The following VNN2 variants were observed in gnomAD, a reference collection of about 807,000 sequenced individuals.
The protein encoded by VNN2 is pantetheine hydrolase VNN2.
Under a neutral mutation model 43.0 loss-of-function variants are expected in VNN2, and 43 were observed. That is an observed-to-expected ratio of 1.00 (90% CI 0.78 to 1.29). The LOEUF (loss-of-function observed/expected upper bound fraction) is 1.29, where lower values mean the gene tolerates loss of function less well. Ranked by LOEUF, VNN2 falls within the 50% of genes most tolerant of loss-of-function variation. VNN2 has a pLI of 0.00. For missense variants in VNN2, 652 were observed against 619.7 expected (o/e 1.05, Z -0.55); for synonymous variants, 230 against 224.3 (o/e 1.03, Z -0.23).
chr6:132,749,596 G>T, intron 6 of VNN2, 99 bp downstream of exon 6: 1 of 1,220,830 alleles, frequency 8.2e-7, no homozygotes, highest in Non-Finnish European at 1.1e-6. Context: ...GAGGAAATTT[G>T]TTACACAGCA....
chr6:132,754,208 T>C (rs535716151), intron 3 of VNN2, among the ~76,000 whole-genome samples: 1 of 152,234 alleles, frequency 6.6e-6, no homozygotes, highest in African/African-American at 2.4e-5. Flanking sequence ...CATTGAAAGA[T>C]AATACAAATA....
At chr6:132,749,259 A>G (rs9493422) in intron 6 of VNN2, among the ~76,000 whole-genome samples, 13,448 of 152,184 alleles carry the variant, frequency 0.088, 793 homozygotes, top group African/African-American at 0.17. Flanking sequence ...TTGATGCAAC[A>G]TTTGCAAACA....
At chr6:132,748,765 C>T (rs965411762) in intron 6 of VNN2, among the ~76,000 whole-genome samples, 3 of 152,232 alleles carry the variant, frequency 2.0e-5, no homozygotes, top group Admixed American at 6.5e-5. Context: ...GCTACAGCCA[C>T]TGTAATTTAT....
chr6:132,750,652 A>C (rs1192443811), intron 5 of VNN2, among the ~76,000 whole-genome samples: 24 of 148,252 alleles, frequency 1.6e-4, no homozygotes, highest in South Asian at 1.1e-3. Context: ...TGACAGAGTG[A>C]AATTGTCTCA....
At chr6:132,751,551 C>T (rs1226593293) in intron 4 of VNN2, 33 bp from the exon 5 acceptor site, 2 of 1,563,974 alleles carry the variant, frequency 1.3e-6, no homozygotes, top group Non-Finnish European at 1.7e-6. Flanking sequence ...CTAAAAACAA[C>T]ACCACACACA....
upstream of VNN2, among the ~76,000 whole-genome samples, chr6:132,759,896 C>A (rs532556350): frequency 8.8e-4 from 134 of 152,188 alleles, no homozygotes; most frequent in South Asian, 0.011. Flanking sequence ...AGTATATAAC[C>A]ATACTATCTA....
rs1281583305 is a variant in VNN2 at position 132,751,334 on chromosome 6, G to T, written c.1011C>A (p.Phe337Leu). 1 of 1,613,986 alleles carries T rather than the reference G, an allele frequency of 6.2e-7. No individual in the cohort carries two copies. Among genetic ancestry groups the T allele is most frequent in the Admixed American group, 1.7e-5 (1 of 59,980 alleles). ...ACCCATCCCTGGAAATAAATCCCCT[G>T]AAAGTGTTTTTCTGTACTGGAAATG... The part of the protein sequence containing the change: ...IKPFPVQKNT[F>L]RGFISRDGFN... Residue 337 changes from phenylalanine (F) to leucine (L), a missense_variant, in exon 5 of 7, where the codon TTC (phenylalanine) becomes TTA (leucine). By Grantham distance (22) the Phe-to-Leu change is conservative. Transcript: ENST00000326499.
chr6:132,760,441 G>A (rs997776479), upstream of VNN2, among the ~76,000 whole-genome samples: 2 of 152,124 alleles, frequency 1.3e-5, no homozygotes, highest in Non-Finnish European at 2.9e-5. Context: ...TTCTGAAAGT[G>A]CTGAGATTAT....
chr6:132,762,975 A>G (rs887894703), intron 1 of VNN2, among the ~76,000 whole-genome samples: 1 of 152,218 alleles, frequency 6.6e-6, no homozygotes, highest in African/African-American at 2.4e-5. Flanking sequence ...AACAATATTA[A>G]TCTCATAGGT....
chr6:132,744,264 G>A lies in VNN2; in HGVS notation c.*36C>T, dbSNP rs1220116884. On this transcript the variant is annotated 3_prime_UTR_variant, in exon 7 of 7. Coordinates refer to ENST00000326499, the MANE Select transcript of VNN2 (RefSeq NM_004665.6). ...GAAGCCGATAAACACATTCAGCCAA[G>A]CATATGATGCAGAAGCTGAGTGATA... is the stretch of plus-strand genomic sequence containing the variant. The A allele has an allele frequency of 6.4e-7, 1 of 1,565,238 alleles. No homozygotes were observed. The highest frequency in any genetic ancestry group is 1.2e-5 in the South Asian group (1 of 83,084).
chr6:132,753,199 G>A (rs34764197), intron 3 of VNN2: 2,875 of 205,466 alleles, frequency 0.014, 91 homozygotes, highest in African/African-American at 0.063. Context: ...TAATTTTTTC[G>A]TATTTTTAGT....
Position 132,744,505 on chromosome 6 carries a change from G to T in VNN2, c.1372-14C>A, listed in dbSNP as rs775132242. 6.4e-7 allele frequency: 1 copy of T among 1,559,780 alleles called. No individual in the cohort carries two copies. Among genetic ancestry groups the T allele is most frequent in the South Asian group, 1.2e-5 (1 of 82,310 alleles). ...ATCTTTCAGCACCTAAAGAAAAGGT[G>T]GGAAAAGTACAGTCAGCTTTCTTAA... On this transcript the variant is annotated splice_polypyrimidine_tract_variant and intron_variant, in intron 6 of 6. Coordinates refer to ENST00000326499, the MANE Select transcript of VNN2 (RefSeq NM_004665.6).
intron 4 of VNN2, among the ~76,000 whole-genome samples, chr6:132,751,830 TA>T (rs1027945511): frequency 5.9e-5 from 9 of 152,152 alleles, no homozygotes; most frequent in African/African-American, 2.2e-4. Context: ...GGAAAGGGAA[TA>T]AAAATTCTCC....
At chr6:132,755,310 A>G (rs1780388835) in intron 3 of VNN2, among the ~76,000 whole-genome samples, 1 of 146,574 alleles carries the variant, frequency 6.8e-6, no homozygotes, top group Non-Finnish European at 1.5e-5. Flanking sequence ...TTTTTTTAAC[A>G]GTTCTCTGCC....
At chr6:132,748,462 C>T (rs34050204) in intron 6 of VNN2, among the ~76,000 whole-genome samples, 1 of 152,250 alleles carries the variant, frequency 6.6e-6, no homozygotes, top group African/African-American at 2.4e-5. Context: ...TCTGATAACA[C>T]AGCAGATACA....
At chr6:132,760,403 C>T (rs1780712603), upstream of VNN2, among the ~76,000 whole-genome samples, 2 of 151,982 alleles carry the variant, frequency 1.3e-5, no homozygotes, top group South Asian at 2.1e-4. Context: ...TTCAAACTCC[C>T]GAGCTCAAGC....
At chr6:132,758,712 A>T (rs973322666), upstream of VNN2, among the ~76,000 whole-genome samples, 2 of 151,402 alleles carry the variant, frequency 1.3e-5, no homozygotes, top group Non-Finnish European at 3.0e-5. Context: ...GACAATATTG[A>T]TAACAAAATT....
chr6:132,749,320 G>C (rs755935906), intron 6 of VNN2, among the ~76,000 whole-genome samples: 4 of 152,140 alleles, frequency 2.6e-5, no homozygotes, highest in Non-Finnish European at 4.4e-5. Flanking sequence ...TTTTTCTCTT[G>C]ATGCTCCTGG....
Position 132,757,510 on chromosome 6 carries a change from A to C in VNN2, c.250T>G (p.Tyr84Asp). 1 of 1,614,112 alleles carries C rather than the reference A, an allele frequency of 6.2e-7. No homozygotes were observed. The highest frequency in any genetic ancestry group is 1.1e-5 in the South Asian group (1 of 91,060). Reference sequence around the variant, plus strand: ...GTTTCCCTGGTAAATTTCCATCCATAAAGTGCATCTTCTGGAGTCACAATG... The same window carrying C: ...GTTTCCCTGGTAAATTTCCATCCATCAAGTGCATCTTCTGGAGTCACAATG... Reference protein sequence around the residue: ...RIIVTPEDALYGWKFTRETVF... With the variant: ...RIIVTPEDALDGWKFTRETVF... Residue 84 changes from tyrosine (Y) to aspartate (D), a missense_variant, in exon 2 of 7, where the codon TAT becomes GAT. Tyr to Asp is a radical substitution (Grantham distance 160). Coordinates refer to ENST00000326499, the MANE Select transcript of VNN2 (RefSeq NM_004665.6).
Sources: allele counts gnomAD v4.1 joint callset (sites outside exome capture counted in the v4.1 genomes callset), GRCh38; gene constraint gnomAD v4.1.1; transcripts MANE v1.5; gene names NCBI Gene and HGNC (gene_info 2026-07-23, HGNC 2026-07-21).